CCDC60: variants seen among roughly 807,000 people sequenced by gnomAD.
CCDC60 encodes coiled-coil domain-containing protein 60.
A neutral mutation model predicts 63.5 loss-of-function variants in CCDC60; 54 were observed. The observed-to-expected ratio is 0.85, with a 90% CI of 0.68 to 1.07. CCDC60 has a LOEUF of 1.07. Among genes scored for constraint, CCDC60 ranks in the 50% least tolerant of loss-of-function variants. CCDC60 has a pLI of 0.00. For missense variants in CCDC60, 651 were observed against 684.3 expected, an observed-to-expected ratio of 0.95 and a Z score of 0.54; for synonymous variants, 206 against 238.8, an observed-to-expected ratio of 0.86 and a Z score of 1.27.
chr12:119,526,327 C>T (rs1439164671), intron 11 of CCDC60, among the ~76,000 whole-genome samples: 2 of 152,158 alleles, frequency 1.3e-5, no homozygotes, highest in Non-Finnish European at 2.9e-5. Flanking sequence ...ACAACCTAGG[C>T]AATACCATCC....
chr12:119,382,235 C>A (rs1311656610), intron 1 of CCDC60, among the ~76,000 whole-genome samples: 2 of 152,230 alleles, frequency 1.3e-5, no homozygotes, highest in Non-Finnish European at 2.9e-5. Flanking sequence ...ATGAGCTTCA[C>A]AGCAGTCTTT....
At chr12:119,427,171 C>A (rs1369181686) in intron 1 of CCDC60, among the ~76,000 whole-genome samples, 1 of 152,148 alleles carries the variant, frequency 6.6e-6, no homozygotes, top group African/African-American at 2.4e-5. Flanking sequence ...ATAGGAAATG[C>A]ACATCAGCTA....
chr12:119,513,471 G>T (rs1480697580), intron 7 of CCDC60, among the ~76,000 whole-genome samples: 1 of 152,108 alleles, frequency 6.6e-6, no homozygotes, highest in Non-Finnish European at 1.5e-5. Context: ...GGCATTCCTT[G>T]GTTCATAAAT....
chr12:119,396,220 G>A (rs1956252284), intron 1 of CCDC60, among the ~76,000 whole-genome samples: 1 of 152,160 alleles, frequency 6.6e-6, no homozygotes, highest in South Asian at 2.1e-4. Context: ...CTACAAGCGT[G>A]AGCCACCAAA....
rs1566050677 is a variant in CCDC60, at chr12:119,507,601, TA to T, written c.883+2299del. On this transcript the variant is annotated intron_variant, in intron 7 of 13. Transcript: ENST00000327554. ...ATACACATATATATACATATATATA[TA>T]TATATATATATATTTTTTTTTTTTT... 9.7e-3 allele frequency among the ~76,000 whole-genome samples: 271 copies of T among 27,940 alleles called. 34 individuals carry two copies. Among genetic ancestry groups the T allele is most frequent in the African/African-American group, 0.036 (136 of 3,794 alleles). 18.3% of individuals were successfully genotyped at this position (27,940 alleles called of 152,430 possible). A position where few individuals can be genotyped will look rare whatever the true frequency, so the allele number is the denominator to read the frequency against.
Position 119,456,978 on chromosome 12 carries a change from A to G in CCDC60, c.171-15016A>G, listed in dbSNP as rs1593115924. Reference sequence around the variant, plus strand: ...CTGGGAATGCAGCCCAGTAGGTCTCAGCATCATTTTACCTAGCCCCATTCA... The same window carrying G: ...CTGGGAATGCAGCCCAGTAGGTCTCGGCATCATTTTACCTAGCCCCATTCA... On this transcript the variant is annotated intron_variant, in intron 2 of 13. Transcript: ENST00000327554. The surrounding 1 kb of genome is among the most constrained non-coding windows in gnomAD (Gnocchi z 4.6). Among the ~76,000 whole-genome samples the G allele has an allele frequency of 6.6e-6, 1 of 152,214 alleles. No homozygotes were observed. The highest frequency in any genetic ancestry group is 1.9e-4 in the East Asian group (1 of 5,198).
chr12:119,337,846 GT>G (rs1955489807), intron 1 of CCDC60, among the ~76,000 whole-genome samples: 1 of 151,802 alleles, frequency 6.6e-6, no homozygotes, highest in African/African-American at 2.4e-5. Context: ...GTGTGTGTGT[GT>G]GTGTGTGTGT....
chr12:119,357,193 G>T (rs573805941), intron 1 of CCDC60, among the ~76,000 whole-genome samples: 6 of 152,312 alleles, frequency 3.9e-5, no homozygotes, highest in African/African-American at 1.4e-4. Flanking sequence ...ATGATCAAGT[G>T]AGGGTACTTA....
At chr12:119,462,887 G>A (rs570560406) in intron 2 of CCDC60, among the ~76,000 whole-genome samples, 3 of 151,860 alleles carry the variant, frequency 2.0e-5, no homozygotes, top group Non-Finnish European at 2.9e-5. Context: ...GCAGTGATGC[G>A]ATGTCAGCTC....
intron 1 of CCDC60, among the ~76,000 whole-genome samples, chr12:119,411,615 G>C (rs1186880342): frequency 6.6e-6 from 1 of 151,992 alleles, no homozygotes; most frequent in Non-Finnish European, 1.5e-5. Context: ...TACTTTTTCT[G>C]CCCTATAGGT....
At chr12:119,515,854 T>TA (rs1435241425) in intron 7 of CCDC60, among the ~76,000 whole-genome samples, 2 of 152,192 alleles carry the variant, frequency 1.3e-5, no homozygotes, top group Non-Finnish European at 2.9e-5. Flanking sequence ...TGGAATCAAA[T>TA]AAAACACATT....
intron 7 of CCDC60, among the ~76,000 whole-genome samples, chr12:119,508,348 G>A (rs1952109950): frequency 1.3e-5 from 2 of 152,032 alleles, no homozygotes; most frequent in Admixed American, 6.6e-5. Context: ...GGGCATGGTG[G>A]CATGTGCCTG....
intron 1 of CCDC60, among the ~76,000 whole-genome samples, chr12:119,354,141 C>A (rs1027627385): frequency 1.3e-5 from 2 of 152,026 alleles, no homozygotes; most frequent in Non-Finnish European, 2.9e-5. Context: ...TGTCTACCCT[C>A]CATCATGACA....
chr12:119,351,128 G>T (rs1056317319), intron 1 of CCDC60, among the ~76,000 whole-genome samples: 1 of 152,184 alleles, frequency 6.6e-6, no homozygotes, highest in Non-Finnish European at 1.5e-5. Context: ...TGAGGTGAAG[G>T]ATAAAGCATC....
At chr12:119,412,543 A>G (rs1378786347) in intron 1 of CCDC60, among the ~76,000 whole-genome samples, 2 of 152,192 alleles carry the variant, frequency 1.3e-5, no homozygotes, top group Non-Finnish European at 2.9e-5. Flanking sequence ...CCAAGAAAGG[A>G]AGTAAACTGT....
At chr12:119,343,313 G>A (rs969375672) in intron 1 of CCDC60, among the ~76,000 whole-genome samples, 5 of 152,002 alleles carry the variant, frequency 3.3e-5, no homozygotes, top group African/African-American at 4.8e-5. Flanking sequence ...TCTGGCAATC[G>A]GCTTGCAAGC....
rs564920399 is a variant in CCDC60 at position 119,422,657 on chromosome 12, G to A, written c.91-6026G>A. The stretch of plus-strand genomic sequence containing the variant: ...TTAACCCATGAGAAACCACCCCCAT[G>A]ATCCAATCACCTCCCACAAGGACCC... On this transcript the variant is annotated intron_variant, in intron 1 of 13. Coordinates refer to ENST00000327554, the MANE Select transcript of CCDC60 (RefSeq NM_178499.5). Among the ~76,000 whole-genome samples, 84 of 152,278 alleles carry A rather than the reference G, an allele frequency of 5.5e-4. 2 individuals carry two copies. In the South Asian group the frequency reaches 0.017, roughly 31 times the overall value.
intron 7 of CCDC60, among the ~76,000 whole-genome samples, chr12:119,509,045 C>T (rs1952135836): frequency 6.6e-6 from 1 of 152,026 alleles, no homozygotes; most frequent in Non-Finnish European, 1.5e-5. Flanking sequence ...GCACCTGCAA[C>T]ACTGCAGGCA....
chr12:119,409,048 T>C (rs569963013), intron 1 of CCDC60, among the ~76,000 whole-genome samples: 3 of 152,016 alleles, frequency 2.0e-5, no homozygotes, highest in Non-Finnish European at 4.4e-5. Flanking sequence ...TAGAAGTGAG[T>C]TACTAGGTTC....
Sources: gnomAD v4.1 joint callset for allele counts (sites outside exome capture counted in the v4.1 genomes callset) on GRCh38, gnomAD v4.1.1 for gene constraint, Gnocchi (gnomAD v3.1) non-coding constraint, MANE v1.5 for transcripts, NCBI Gene and HGNC (gene_info 2026-07-23, HGNC 2026-07-21) for gene names.